PDLIM5: variants seen among roughly 807,000 people sequenced by gnomAD.
PDLIM5 encodes PDZ and LIM domain protein 5.
In PDLIM5, 34 loss-of-function variants were observed where a neutral mutation model predicts 64.2. The ratio of observed to expected loss-of-function variants is 0.53; its 90% confidence interval spans 0.40 to 0.71. The LOEUF (loss-of-function observed/expected upper bound fraction) is 0.71, where lower values mean the gene tolerates loss of function less well. Ranked by LOEUF, PDLIM5 falls within the 30% of genes least tolerant of loss-of-function variation. The pLI, the probability that PDLIM5 is intolerant of heterozygous loss-of-function variation, is 0.00. For missense variants in PDLIM5, 683 were observed against 733.6 expected, an observed-to-expected ratio of 0.93 and a Z score of 0.80; for synonymous variants, 253 against 269.1, an observed-to-expected ratio of 0.94 and a Z score of 0.59.
intron 8 of PDLIM5, among the ~76,000 whole-genome samples, chr4:94,625,205 A>G (rs894459366): frequency 1.3e-5 from 2 of 152,136 alleles, no homozygotes; most frequent in East Asian, 1.9e-4. Context: ...CCCGTGGAGG[A>G]TTGTATTCAG....
chr4:94,465,372 GC>G (rs1724256386), intron 2 of PDLIM5, among the ~76,000 whole-genome samples: 1 of 152,076 alleles, frequency 6.6e-6, no homozygotes, highest in African/African-American at 2.4e-5. Context: ...TCTCATAACA[GC>G]CCCATGGGGA....
chr4:94,666,304 G>T lies in PDLIM5; in HGVS notation c.*2237G>T. The T allele has an allele frequency of 3.0e-6, 1 of 336,164 alleles. No homozygotes were observed. The highest frequency in any genetic ancestry group is 5.4e-6 in the Non-Finnish European group (1 of 186,718). 20.8% of individuals were successfully genotyped at this position (336,164 alleles called of 1,614,324 possible). ...ATAATTAACTGGGGATAAAAGAATG[G>T]CAAGGGGTGACACAAAGTAGCAAAC... On this transcript the variant is annotated 3_prime_UTR_variant, in exon 13 of 13. Transcript: ENST00000317968.
At chr4:94,608,963 C>G (rs562356018) in intron 7 of PDLIM5, among the ~76,000 whole-genome samples, 1 of 152,094 alleles carries the variant, frequency 6.6e-6, no homozygotes, top group Admixed American at 6.5e-5. Flanking sequence ...AATGGATAGA[C>G]TTAGATAGAC....
chr4:94,591,954 A>G (rs1736706356), intron 7 of PDLIM5, among the ~76,000 whole-genome samples: 1 of 152,210 alleles, frequency 6.6e-6, no homozygotes, highest in South Asian at 2.1e-4. Flanking sequence ...TGCCTTGGTC[A>G]CTTCTCATCT....
At chr4:94,633,658 C>G (rs1740330554) in intron 8 of PDLIM5, among the ~76,000 whole-genome samples, 1 of 152,030 alleles carries the variant, frequency 6.6e-6, no homozygotes, top group South Asian at 2.1e-4. Context: ...GAGCAATATG[C>G]CAGGGACTGC....
intron 2 of PDLIM5, among the ~76,000 whole-genome samples, chr4:94,476,624 T>C (rs72876207): frequency 6.6e-6 from 1 of 152,160 alleles, no homozygotes; most frequent in Non-Finnish European, 1.5e-5. Flanking sequence ...GAAAGCCCTT[T>C]ATCATCCCTT....
At chr4:94,604,461 C>A (rs1468415468) in intron 7 of PDLIM5, among the ~76,000 whole-genome samples, 1 of 152,018 alleles carries the variant, frequency 6.6e-6, no homozygotes, top group Non-Finnish European at 1.5e-5. Context: ...TGGAGAAACC[C>A]CGTCTCTACT....
intron 8 of PDLIM5, among the ~76,000 whole-genome samples, chr4:94,622,339 A>G (rs191978506): frequency 1.3e-5 from 2 of 152,302 alleles, no homozygotes; most frequent in Admixed American, 6.5e-5. Context: ...ATGTATGTAT[A>G]AAATATTACT....
At chr4:94,460,924 T>A (rs1323690496) in intron 2 of PDLIM5, among the ~76,000 whole-genome samples, 1 of 152,044 alleles carries the variant, frequency 6.6e-6, no homozygotes, top group African/African-American at 2.4e-5. Context: ...GAGCTTTCAA[T>A]TTTTTTTAGA....
chr4:94,635,521 G>A (rs1273247232), intron 8 of PDLIM5, among the ~76,000 whole-genome samples: 2 of 152,162 alleles, frequency 1.3e-5, no homozygotes, highest in Non-Finnish European at 2.9e-5. Context: ...CTAAAGAGGT[G>A]TATTTTTCTT....
intron 2 of PDLIM5, among the ~76,000 whole-genome samples, chr4:94,457,791 G>A (rs1376026399): frequency 1.3e-5 from 2 of 152,186 alleles, no homozygotes; most frequent in East Asian, 1.9e-4. Flanking sequence ...GCCCTCCCCT[G>A]GCACAGAAGA....
chr4:94,603,792 C>T (rs1345153796), intron 7 of PDLIM5, among the ~76,000 whole-genome samples: 1 of 152,188 alleles, frequency 6.6e-6, no homozygotes, highest in African/African-American at 2.4e-5. Flanking sequence ...CGGCTAGGCA[C>T]CATGGCCTTA....
chr4:94,644,291 A>G (rs1260325521), intron 9 of PDLIM5, among the ~76,000 whole-genome samples: 1 of 152,176 alleles, frequency 6.6e-6, no homozygotes. Flanking sequence ...TGTAGTAGAT[A>G]ATGGAACCTG....
intron 7 of PDLIM5, chr4:94,610,994 C>T: frequency 9.0e-7 from 1 of 1,108,920 alleles, no homozygotes; most frequent in South Asian, 1.4e-5. Context: ...TGTTTCAAAT[C>T]ACAGACCTTA....
intron 2 of PDLIM5, among the ~76,000 whole-genome samples, chr4:94,504,887 C>T (rs1269823192): frequency 6.6e-6 from 1 of 152,156 alleles, no homozygotes; most frequent in South Asian, 2.1e-4. Flanking sequence ...GCACTCATAA[C>T]CACTGTTCTT....
intron 4 of PDLIM5, 74 bp downstream of exon 4, chr4:94,573,467 T>G: frequency 2.7e-6 from 3 of 1,113,288 alleles, no homozygotes; most frequent in Non-Finnish European, 4.1e-6. Flanking sequence ...CATTACTGTC[T>G]CAGACCATAC....
intron 3 of PDLIM5, among the ~76,000 whole-genome samples, chr4:94,553,416 C>T (rs895751276): frequency 3.3e-5 from 5 of 152,124 alleles, no homozygotes; most frequent in South Asian, 2.1e-4. Flanking sequence ...GCCAAATGAT[C>T]GGTTTTAGTT....
At chr4:94,572,282 A>G (rs17021822) in intron 3 of PDLIM5, among the ~76,000 whole-genome samples, 1,854 of 152,284 alleles carry the variant, frequency 0.012, 44 homozygotes, top group South Asian at 0.083. Context: ...TGGCATATTA[A>G]ACATAACATA....
intron 3 of PDLIM5, among the ~76,000 whole-genome samples, chr4:94,545,883 T>G (rs1732269317): frequency 6.6e-6 from 1 of 152,216 alleles, no homozygotes; most frequent in Non-Finnish European, 1.5e-5. Flanking sequence ...CTTGTCCTGT[T>G]AAATCATTGA....
Sources: allele counts gnomAD v4.1 joint callset (sites outside exome capture counted in the v4.1 genomes callset), GRCh38; gene constraint gnomAD v4.1.1; transcripts MANE v1.5; gene names NCBI Gene and HGNC (gene_info 2026-07-23, HGNC 2026-07-21).